The following ROR1 variants were observed in gnomAD, a reference collection of about 807,000 sequenced individuals.
The protein encoded by ROR1 is ROR family WNT receptor 1.
In ROR1, 19 loss-of-function variants were observed where a neutral mutation model predicts 78.8. That is an observed-to-expected ratio of 0.24 (90% confidence interval 0.17 to 0.35). The LOEUF (loss-of-function observed/expected upper bound fraction) is 0.35. Ranked by LOEUF, ROR1 falls within the 10% of genes least tolerant of loss-of-function variation. The probability of loss-of-function intolerance (pLI) is 1.00; values close to 1 mark genes in which losing one functional copy is unlikely to be tolerated. For synonymous variants in ROR1, 386 were observed against 433.6 expected, an observed-to-expected ratio of 0.89 and a Z score of 1.36; for missense variants, 917 against 1,177.8, an observed-to-expected ratio of 0.78 and a Z score of 3.24.
chr1:63,963,912 G>A (rs1282418648), intron 1 of ROR1, among the ~76,000 whole-genome samples: 1 of 152,142 alleles, frequency 6.6e-6, no homozygotes, highest in Non-Finnish European at 1.5e-5. Flanking sequence ...TAAGATAGAA[G>A]AAATCTGGCC....
At chr1:63,988,705 G>C (rs285355) in intron 1 of ROR1, among the ~76,000 whole-genome samples, 113,722 of 152,134 alleles carry the variant, frequency 0.75, 43,598 homozygotes, top group East Asian at 0.94. Context: ...ATTTTGACTA[G>C]TCTATGTGCC....
rs79797143 is a variant in ROR1, at chr1:63,956,050, G to A, written c.92-53255G>A. Reference sequence around the variant, plus strand: ...AGCCCATGGGGATGAGGCCCATGTAGGTGGTGGTAGTTCTGGTGCTCCCAG... The same window carrying A: ...AGCCCATGGGGATGAGGCCCATGTAAGTGGTGGTAGTTCTGGTGCTCCCAG... On this transcript the variant is annotated intron_variant, in intron 1 of 8. Coordinates refer to ENST00000371079, the MANE Select transcript of ROR1 (RefSeq NM_005012.4). 9.0e-3 allele frequency among the ~76,000 whole-genome samples: 1,363 copies of A among 152,286 alleles called. 18 individuals are homozygous for A. Among genetic ancestry groups the A allele is most frequent in the African/African-American group, 0.031 (1,275 of 41,548 alleles).
rs568573106 is a variant in ROR1 at position 63,855,948 on chromosome 1, C to T, written c.91+81440C>T. On this transcript the variant is annotated intron_variant, in intron 1 of 8. Coordinates refer to ENST00000371079, the MANE Select transcript of ROR1 (RefSeq NM_005012.4). ...CTGGGATTACAGGTGTGAGCTACCA[C>T]GCCCTGCTGATGTAGCTCTTTTTCA... Among the ~76,000 whole-genome samples the T allele has an allele frequency of 2.6e-4, 39 of 152,200 alleles. 1 individual carries two copies. Among genetic ancestry groups the T allele is most frequent in the East Asian group, 2.1e-3 (11 of 5,180 alleles).
rs1049848510 is a variant in ROR1 at position 64,072,781 on chromosome 1, C to T, written c.482+22065C>T. 3.9e-5 allele frequency among the ~76,000 whole-genome samples: 6 copies of T among 152,206 alleles called. No individual in the cohort carries two copies. The East Asian group carries it at 9.7e-4, about 25-fold the overall frequency. On this transcript the variant is annotated intron_variant, in intron 4 of 8. Coordinates refer to ENST00000371079, the MANE Select transcript of ROR1 (RefSeq NM_005012.4). ...ATCCTGACCCAGCTTCCAACTAGCT[C>T]CATGGCATGTCTGAGGGAGGGGCTT...
intron 6 of ROR1, among the ~76,000 whole-genome samples, chr1:64,141,330 C>T (rs1649304660): frequency 6.8e-6 from 1 of 147,956 alleles, no homozygotes. Flanking sequence ...GAACGGAGAG[C>T]AAGCTTCTTA....
Position 64,178,535 on chromosome 1 carries a change from C to G in ROR1, c.2494C>G (p.Pro832Ala). ...YPIPPGYAAFPAAHYQPTGPP... is the reference protein window; with the variant it reads ...YPIPPGYAAFAAAHYQPTGPP... ...AATACCTCCTGGATATGCAGCGTTTCCAGCTGCCCACTACCAGCCAACAGG... is the reference window on the plus strand; with the variant it reads ...AATACCTCCTGGATATGCAGCGTTTGCAGCTGCCCACTACCAGCCAACAGG... The change falls in exon 9 of 9, where the codon CCA becomes GCA. Residue 832 changes from proline to alanine, a missense_variant. Physicochemically the swap from Pro to Ala is conservative, Grantham distance 27. Coordinates refer to ENST00000371079, the MANE Select transcript of ROR1 (RefSeq NM_005012.4). This position sits in a 1 kb window ranked among gnomAD's most constrained non-coding sequence, Gnocchi z 4.3. 4.3e-6 allele frequency: 7 copies of G among 1,614,204 alleles called. No homozygotes were observed. The highest frequency in any genetic ancestry group is 5.9e-6 in the Non-Finnish European group (7 of 1,180,044).
At chr1:64,092,346 C>T (rs1490931325) in intron 4 of ROR1, among the ~76,000 whole-genome samples, 2 of 152,130 alleles carry the variant, frequency 1.3e-5, no homozygotes, top group Non-Finnish European at 2.9e-5. Flanking sequence ...ATCAGGAGGC[C>T]TGGCTTTAGC....
intron 1 of ROR1, among the ~76,000 whole-genome samples, chr1:63,856,939 C>T (rs1645152470): frequency 6.6e-6 from 1 of 152,118 alleles, no homozygotes; most frequent in Non-Finnish European, 1.5e-5. Context: ...GTGCGGCACT[C>T]CTCTCCCTGC....
chr1:63,943,581 A>T (rs117773809), intron 1 of ROR1, among the ~76,000 whole-genome samples: 1 of 152,194 alleles, frequency 6.6e-6, no homozygotes, highest in African/African-American at 2.4e-5. Flanking sequence ...AACTGCTGGC[A>T]TTAGCAGAGC....
chr1:63,869,495 T>G (rs746479340), intron 1 of ROR1, among the ~76,000 whole-genome samples: 42 of 152,188 alleles, frequency 2.8e-4, no homozygotes, highest in Admixed American at 2.0e-3. Context: ...AGGGGGCTTG[T>G]GTCCTGCAGA....
chr1:64,027,739 A>C (rs376101190), intron 2 of ROR1, among the ~76,000 whole-genome samples: 1 of 151,578 alleles, frequency 6.6e-6, no homozygotes, highest in Non-Finnish European at 1.5e-5. Flanking sequence ...CCAGGCTGGA[A>C]TGCAGTGGCT....
intron 2 of ROR1, among the ~76,000 whole-genome samples, chr1:64,026,918 C>A (rs1342501476): frequency 6.6e-6 from 1 of 152,074 alleles, no homozygotes; most frequent in Non-Finnish European, 1.5e-5. Context: ...ATATCAATAT[C>A]TCTAGATAAA....
intron 4 of ROR1, among the ~76,000 whole-genome samples, chr1:64,136,283 A>G (rs143756232): frequency 8.4e-4 from 128 of 152,202 alleles, no homozygotes; most frequent in African/African-American, 2.8e-3. Flanking sequence ...AAACTCAGGA[A>G]GAGAATTTTG....
chr1:64,146,825 A>G (rs1649486368), intron 7 of ROR1, among the ~76,000 whole-genome samples: 1 of 152,214 alleles, frequency 6.6e-6, no homozygotes, highest in Non-Finnish European at 1.5e-5. Context: ...TCTACAGGAT[A>G]CCTACTATGT....
intron 4 of ROR1, among the ~76,000 whole-genome samples, chr1:64,089,165 G>A (rs1489110110): frequency 6.6e-6 from 1 of 151,910 alleles, no homozygotes; most frequent in Admixed American, 6.6e-5. Context: ...CTCAGCTAAT[G>A]ATTATTATTT....
chr1:63,818,982 G>A (rs1557511890), intron 1 of ROR1, among the ~76,000 whole-genome samples: 1 of 152,024 alleles, frequency 6.6e-6, no homozygotes, highest in South Asian at 2.1e-4. Flanking sequence ...GCCCTAGAAG[G>A]TTACTACTAA....
chr1:63,847,522 C>G (rs1488234703), intron 1 of ROR1, among the ~76,000 whole-genome samples: 1 of 152,064 alleles, frequency 6.6e-6, no homozygotes, highest in Non-Finnish European at 1.5e-5. Flanking sequence ...AGGCTTCCTG[C>G]CAGAAGGATC....
At chr1:63,815,820 G>C (rs1346273364) in intron 1 of ROR1, among the ~76,000 whole-genome samples, 1 of 152,058 alleles carries the variant, frequency 6.6e-6, no homozygotes, top group Non-Finnish European at 1.5e-5. Context: ...CCCAGGTCCT[G>C]CCCAGGACCT....
chr1:64,133,835 CAT>C (rs1324825490), intron 4 of ROR1, among the ~76,000 whole-genome samples: 1 of 152,168 alleles, frequency 6.6e-6, no homozygotes, highest in Non-Finnish European at 1.5e-5. Flanking sequence ...GGCAGGAAGA[CAT>C]CAATGATGAA....
Sources: allele counts gnomAD v4.1 joint callset (sites outside exome capture counted in the v4.1 genomes callset), GRCh38; gene constraint gnomAD v4.1.1; non-coding constraint Gnocchi (gnomAD v3.1); transcripts MANE v1.5; gene names NCBI Gene and HGNC (gene_info 2026-07-23, HGNC 2026-07-21).